The following PDE4D variants were observed in gnomAD, a reference collection of about 807,000 sequenced individuals.
The protein encoded by PDE4D is phosphodiesterase 4D.
Under a neutral mutation model 87.4 loss-of-function variants are expected in PDE4D, and 24 were observed. The observed-to-expected ratio is 0.27, with a 90% CI of 0.20 to 0.39. The LOEUF is 0.39. PDE4D is among the 10% of genes least tolerant of loss of function. The pLI, the probability that PDE4D is intolerant of heterozygous loss-of-function variation, is 1.00. For synonymous variants in PDE4D, 384 were observed against 383.2 expected (o/e 1.00, Z -0.02); for missense variants, 714 against 1,041.0 (o/e 0.69, Z 4.32).
intron 1 of PDE4D, among the ~76,000 whole-genome samples, chr5:59,592,661 G>T (rs1826074181): frequency 6.6e-6 from 1 of 151,898 alleles, no homozygotes; most frequent in South Asian, 2.1e-4. Flanking sequence ...TATTTAGAAT[G>T]CTTGTTAAAT....
chr5:59,907,843 T>C (rs1222596472), intron 3 of PDE4D, among the ~76,000 whole-genome samples: 1 of 152,096 alleles, frequency 6.6e-6, no homozygotes. Context: ...CTATTCTCTT[T>C]ACAGCTCCCA....
chr5:59,175,242 C>T (rs1783632452), intron 5 of PDE4D, among the ~76,000 whole-genome samples: 1 of 152,112 alleles, frequency 6.6e-6, no homozygotes, highest in South Asian at 2.1e-4. Flanking sequence ...GAGCCTTACT[C>T]TAAATGATAA....
chr5:59,570,776 T>C (rs1821702339), intron 1 of PDE4D, among the ~76,000 whole-genome samples: 1 of 152,222 alleles, frequency 6.6e-6, no homozygotes, highest in Non-Finnish European at 1.5e-5. Context: ...GGATAATCTT[T>C]AGTGGACTTA....
intron 1 of PDE4D, among the ~76,000 whole-genome samples, chr5:60,245,602 G>T (rs953017844): frequency 1.3e-5 from 2 of 151,914 alleles, no homozygotes; most frequent in African/African-American, 4.8e-5. Context: ...CCATTAAAAA[G>T]AATGAGATTC....
chr5:59,689,633 T>G (rs969886853), intron 1 of PDE4D, among the ~76,000 whole-genome samples: 6 of 152,158 alleles, frequency 3.9e-5, no homozygotes, highest in Non-Finnish European at 2.9e-5. Context: ...GGGCAAAAGC[T>G]AGAAGCATTC....
At chr5:60,167,621 T>A (rs1783049968) in intron 2 of PDE4D, among the ~76,000 whole-genome samples, 1 of 152,200 alleles carries the variant, frequency 6.6e-6, no homozygotes, top group African/African-American at 2.4e-5. Context: ...TTCATTTTGT[T>A]CATTGTATAT....
intron 1 of PDE4D, among the ~76,000 whole-genome samples, chr5:59,698,556 T>G (rs1293661756): frequency 6.6e-6 from 1 of 152,118 alleles, no homozygotes; most frequent in Non-Finnish European, 1.5e-5. Context: ...TTAAAAACAT[T>G]AGAACACTAA....
chr5:60,464,943 T>C (rs1020057586), intron 1 of PDE4D, among the ~76,000 whole-genome samples: 5 of 151,660 alleles, frequency 3.3e-5, no homozygotes, highest in Non-Finnish European at 7.4e-5. Context: ...CTCTATAAAC[T>C]TTTTTTTGTT....
chr5:60,311,580 A>G (rs1401124305), intron 1 of PDE4D, among the ~76,000 whole-genome samples: 1 of 152,220 alleles, frequency 6.6e-6, no homozygotes, highest in Non-Finnish European at 1.5e-5. Context: ...CAAATATGAA[A>G]AGAAAAGAAC....
intron 1 of PDE4D, among the ~76,000 whole-genome samples, chr5:59,571,413 G>A (rs377126096): frequency 6.6e-6 from 1 of 152,282 alleles, no homozygotes; most frequent in African/African-American, 2.4e-5. Flanking sequence ...AAGGGGTGGA[G>A]AAAGCACGCA....
intron 1 of PDE4D, among the ~76,000 whole-genome samples, chr5:59,502,085 A>G (rs561730866): frequency 6.6e-6 from 1 of 152,212 alleles, no homozygotes; most frequent in East Asian, 1.9e-4. Flanking sequence ...GATTCATGCC[A>G]TGGTTTCTTT....
At position 60,474,120 on chromosome 5, in the gene PDE4D, A is replaced by G. The variant is rs1645267; in HGVS notation, c.-90+13822T>C. ...TTTGAGCTGCCATATATATATATAT[A>G]TATATATATATATATATATATATAT... On this transcript the variant is annotated intron_variant, in intron 1 of 16. Coordinates refer to the PDE4D transcript ENST00000502484. Among the ~76,000 whole-genome samples the G allele has an allele frequency of 3.9e-3, 272 of 70,636 alleles. 2 individuals carry two copies. In the East Asian group the frequency reaches 0.039, roughly 10 times the overall value. The allele number at this position is 70,636 out of a possible 152,430, so 46.3% of individuals were successfully genotyped here.
At chr5:59,255,140 C>T (rs887606755) in intron 1 of PDE4D, among the ~76,000 whole-genome samples, 1 of 151,854 alleles carries the variant, frequency 6.6e-6, no homozygotes, top group Admixed American at 6.6e-5. Flanking sequence ...TTCAAAATAG[C>T]CAAAAAGTGA....
intron 1 of PDE4D, among the ~76,000 whole-genome samples, chr5:59,640,184 TA>T (rs1000969124): frequency 1.9e-4 from 29 of 152,312 alleles, no homozygotes; most frequent in African/African-American, 6.5e-4. Flanking sequence ...ATTTTTACCA[TA>T]ACCTTGGAAG....
chr5:59,916,883 G>A (rs1021965022), intron 3 of PDE4D, among the ~76,000 whole-genome samples: 5 of 150,912 alleles, frequency 3.3e-5, no homozygotes, highest in Admixed American at 1.3e-4. Flanking sequence ...CACCTCCTGG[G>A]TTCAAGCAAT....
At position 59,314,960 on chromosome 5, in the gene PDE4D, C is replaced by T. The variant is rs80322656; in HGVS notation, c.456-98992G>A. On this transcript the variant is annotated intron_variant, in intron 1 of 14. Transcript: ENST00000340635. ...TCTCCCGCCCGCCTGTGCACTGCGA[C>T]GATGGGGTAAAGCTACCAGGAAGTT... Among the ~76,000 whole-genome samples, 192 of 152,224 alleles carry T rather than the reference C, an allele frequency of 1.3e-3. 5 individuals are homozygous for T. The East Asian group carries it at 0.033, about 26-fold the overall frequency.
intron 1 of PDE4D, among the ~76,000 whole-genome samples, chr5:59,451,145 C>T (rs1469925360): frequency 1.3e-5 from 2 of 152,186 alleles, no homozygotes; most frequent in South Asian, 2.1e-4. Context: ...TTCACTAAAC[C>T]AATGAACATT....
At chr5:60,013,527 T>C (rs973766415) in intron 2 of PDE4D, among the ~76,000 whole-genome samples, 8 of 152,164 alleles carry the variant, frequency 5.3e-5, no homozygotes, top group Non-Finnish European at 1.0e-4. Flanking sequence ...ATCTGTGTCA[T>C]GTTTTCTATT....
chr5:60,031,500 G>A (rs1276203798), intron 2 of PDE4D, among the ~76,000 whole-genome samples: 1 of 152,168 alleles, frequency 6.6e-6, no homozygotes, highest in Non-Finnish European at 1.5e-5. Flanking sequence ...GAACAGCAGC[G>A]GGGAGGAGCC....
Sources: gnomAD v4.1 joint callset for allele counts (sites outside exome capture counted in the v4.1 genomes callset) on GRCh38, gnomAD v4.1.1 for gene constraint, MANE v1.5 for transcripts, NCBI Gene and HGNC (gene_info 2026-07-23, HGNC 2026-07-21) for gene names.